The following PRDM16 variants were observed in gnomAD, a reference collection of about 807,000 sequenced individuals.
PRDM16 encodes the protein PR/SET domain 16, also known as histone-lysine N-methyltransferase PRDM16.
Under a neutral mutation model 110.6 loss-of-function variants are expected in PRDM16, and 23 were observed. That is an observed-to-expected ratio of 0.21 (90% CI 0.15 to 0.29). The LOEUF (loss-of-function observed/expected upper bound fraction) is 0.29, where lower values mean the gene tolerates loss of function less well. Ranked by LOEUF, PRDM16 falls within the 10% of genes least tolerant of loss-of-function variation. The pLI is 1.00. For missense variants in PRDM16, 1,615 were observed against 1,794.3 expected, an observed-to-expected ratio of 0.90 and a Z score of 1.81; for synonymous variants, 799 against 781.8, an observed-to-expected ratio of 1.02 and a Z score of -0.37.
intron 2 of PRDM16, among the ~76,000 whole-genome samples, chr1:3,205,596 G>T (rs563033804): frequency 1.3e-5 from 2 of 152,150 alleles, no homozygotes; most frequent in South Asian, 4.2e-4. Flanking sequence ...AATATTTGTT[G>T]AATTCATACA....
intron 1 of PRDM16, chr1:3,133,744 G>T (rs1465165509): frequency 2.0e-5 from 3 of 152,234 alleles, no homozygotes; most frequent in Non-Finnish European, 4.4e-5. Context: ...TCCCCTTCAT[G>T]TGAGGGAGAA....
intron 2 of PRDM16, among the ~76,000 whole-genome samples, chr1:3,202,072 G>A (rs1230835677): frequency 2.6e-5 from 4 of 151,976 alleles, no homozygotes; most frequent in African/African-American, 7.3e-5. Context: ...CCTGCCTCAG[G>A]AGGGAAAGCA....
chr1:3,285,953 A>G (rs926662622), intron 3 of PRDM16, among the ~76,000 whole-genome samples: 4 of 152,262 alleles, frequency 2.6e-5, no homozygotes, highest in Non-Finnish European at 5.9e-5. Flanking sequence ...GGCGTGACAC[A>G]AGGAAAAATA....
chr1:3,387,992 T>C (rs1479365567), intron 4 of PRDM16, among the ~76,000 whole-genome samples: 1 of 152,244 alleles, frequency 6.6e-6, no homozygotes, highest in Admixed American at 6.5e-5. Context: ...CAGAAAGCAT[T>C]TCCATTCCCT....
At chr1:3,214,989 A>G (rs115320655) in intron 2 of PRDM16, among the ~76,000 whole-genome samples, 507 of 152,260 alleles carry the variant, frequency 3.3e-3, no homozygotes, top group African/African-American at 0.012. Flanking sequence ...AATGCCGCAG[A>G]CCTGACAGTG....
At position 3,353,927 on chromosome 1, in the gene PRDM16, C is replaced by G. The variant is rs569038858; in HGVS notation, c.439-31225C>G. Among the ~76,000 whole-genome samples, 1 of 152,140 alleles carries G rather than the reference C, an allele frequency of 6.6e-6. No homozygotes were observed. The highest frequency in any genetic ancestry group is 2.4e-5 in the African/African-American group (1 of 41,448). ...GGCCCTTGGCACACACATGTGGATG[C>G]AGGGCTGCCCACCCAACACTGCTGA... On this transcript the variant is annotated intron_variant, in intron 3 of 16. Coordinates refer to ENST00000270722, the MANE Select transcript of PRDM16 (RefSeq NM_022114.4). This position sits in a 1 kb window ranked among gnomAD's most constrained non-coding sequence, Gnocchi z 5.4.
chr1:3,432,750 GTGTC>G (rs1387865408), intron 16 of PRDM16, among the ~76,000 whole-genome samples: 2 of 152,186 alleles, frequency 1.3e-5, no homozygotes, highest in African/African-American at 4.8e-5. Context: ...AGCCGTCTGC[GTGTC>G]TGTCTTTGTC....
intron 1 of PRDM16, among the ~76,000 whole-genome samples, chr1:3,136,179 G>T (rs1055286865): frequency 1.3e-5 from 2 of 152,012 alleles, no homozygotes; most frequent in African/African-American, 4.8e-5. Context: ...CGTTACAGGG[G>T]TGATGCTGCC....
chr1:3,351,966 ACCCT>A (rs1463097966), intron 3 of PRDM16, among the ~76,000 whole-genome samples: 1 of 151,578 alleles, frequency 6.6e-6, no homozygotes, highest in Non-Finnish European at 1.5e-5. Flanking sequence ...CCTCGCCCAG[ACCCT>A]CCAGAGACCC....
chr1:3,127,353 G>T (rs1643230328), intron 1 of PRDM16, among the ~76,000 whole-genome samples: 1 of 152,168 alleles, frequency 6.6e-6, no homozygotes, highest in African/African-American at 2.4e-5. Flanking sequence ...TTTCTTGTTT[G>T]CTACATCTGA....
At chr1:3,236,429 G>C (rs1190150536) in intron 2 of PRDM16, among the ~76,000 whole-genome samples, 1 of 152,206 alleles carries the variant, frequency 6.6e-6, no homozygotes, top group Non-Finnish European at 1.5e-5. Flanking sequence ...GGGGGCGCTT[G>C]TCTGACCACC....
intron 1 of PRDM16, among the ~76,000 whole-genome samples, chr1:3,165,739 G>A (rs866501008): frequency 7.2e-5 from 5 of 69,702 alleles, no homozygotes; most frequent in East Asian, 5.8e-4. Context: ...CTGGGCTCAG[G>A]GACAGTGACT....
intron 3 of PRDM16, among the ~76,000 whole-genome samples, chr1:3,372,438 GAGAA>G (rs1642922759): frequency 6.6e-6 from 1 of 152,228 alleles, no homozygotes; most frequent in South Asian, 2.1e-4. Flanking sequence ...TAAGTGGCCA[GAGAA>G]AGGTTATGAA....
chr1:3,198,782 A>G (rs1376066434), intron 2 of PRDM16, among the ~76,000 whole-genome samples: 1 of 152,198 alleles, frequency 6.6e-6, no homozygotes, highest in African/African-American at 2.4e-5. Context: ...CGGAGTCGGC[A>G]GAGTTCCTTC....
intron 3 of PRDM16, among the ~76,000 whole-genome samples, chr1:3,365,071 C>T (rs1243075287): frequency 6.6e-6 from 1 of 152,178 alleles, no homozygotes; most frequent in African/African-American, 2.4e-5. Flanking sequence ...AGCCAGGGAC[C>T]CACTCGGCCA....
In PRDM16 at chr1:3,161,777, C is replaced by T. The variant is rs538414390; in HGVS notation, c.38-24348C>T. On this transcript the variant is annotated intron_variant, in intron 1 of 16. Coordinates refer to ENST00000270722, the MANE Select transcript of PRDM16 (RefSeq NM_022114.4). ...TTTGCGGCACCTGAACAGTCCTAAG[C>T]AGGCCCATGCCAGCGGCGTCCCAGC... Among the ~76,000 whole-genome samples, 6 of 152,364 alleles carry T rather than the reference C, an allele frequency of 3.9e-5. No homozygotes were observed. The South Asian group carries it at 1.2e-3, about 32-fold the overall frequency.
rs1358321879 is a variant in PRDM16 at position 3,301,427 on chromosome 1, G to T, written c.438+57290G>T. ...AAATGAAAAGCCAATAAATGCATTTGTAGTTGGGGATATGTGCTTTAGAGA... is the reference window on the plus strand; with the variant it reads ...AAATGAAAAGCCAATAAATGCATTTTTAGTTGGGGATATGTGCTTTAGAGA... On this transcript the variant is annotated intron_variant, in intron 3 of 16. Transcript: ENST00000270722. 5.3e-5 allele frequency among the ~76,000 whole-genome samples: 8 copies of T among 152,212 alleles called. 1 individual carries two copies. In the East Asian group the frequency reaches 1.5e-3, roughly 29 times the overall value.
At chr1:3,363,613 G>A (rs1642756246) in intron 3 of PRDM16, among the ~76,000 whole-genome samples, 1 of 152,160 alleles carries the variant, frequency 6.6e-6, no homozygotes, top group African/African-American at 2.4e-5. Flanking sequence ...TCATGAGCAT[G>A]AAATTCATAG....
intron 2 of PRDM16, among the ~76,000 whole-genome samples, chr1:3,231,298 G>A (rs1000948685): frequency 1.3e-5 from 2 of 151,254 alleles, no homozygotes; most frequent in East Asian, 3.9e-4. Flanking sequence ...GTTACGTCTT[G>A]AGCGCCATCA....
Sources: allele counts gnomAD v4.1 joint callset (sites outside exome capture counted in the v4.1 genomes callset), GRCh38; gene constraint gnomAD v4.1.1; non-coding constraint Gnocchi (gnomAD v3.1); transcripts MANE v1.5; gene names NCBI Gene and HGNC (gene_info 2026-07-23, HGNC 2026-07-21).